Variants in CCAR1 observed in about 807,000 individuals in gnomAD.
CCAR1 encodes the protein cell division cycle and apoptosis regulator protein 1.
In CCAR1, 78 loss-of-function variants were observed where a neutral mutation model predicts 163.8. The ratio of observed to expected loss-of-function variants is 0.48; its 90% CI spans 0.40 to 0.57. CCAR1 has a LOEUF of 0.57. Among genes scored for constraint, CCAR1 ranks in the 20% least tolerant of loss-of-function variants. The pLI is 0.00. For missense variants in CCAR1, 1,019 were observed against 1,365.2 expected (o/e 0.75, Z 4.00); for synonymous variants, 443 against 460.7 (o/e 0.96, Z 0.49).
Position 68,740,651 on chromosome 10 carries a change from T to A in CCAR1, c.314T>A (p.Leu105His). 1 of 1,610,758 alleles carries A rather than the reference T, an allele frequency of 6.2e-7. No individual in the cohort carries two copies. Among genetic ancestry groups the A allele is most frequent in the Non-Finnish European group, 8.5e-7 (1 of 1,178,294 alleles). ...QQQLQQPQQT[L>H]LTQPAVALPT... ...CAGTTACAGCAACCCCAGCAAACCCTCTTAACACAGGTTAGTTGGTATTAC... is the reference window on the plus strand; with the variant it reads ...CAGTTACAGCAACCCCAGCAAACCCACTTAACACAGGTTAGTTGGTATTAC... Residue 105 changes from leucine to histidine, a missense_variant, in exon 5 of 25, where the codon CTC becomes CAC. By Grantham distance (99) the Leu-to-His change is moderately conservative (BLOSUM62 -3). This residue lies in a region of CCAR1 where 644 missense variants were observed against 904.4 expected (regional missense o/e 0.71). Coordinates refer to ENST00000265872, the MANE Select transcript of CCAR1 (RefSeq NM_018237.4).
chr10:68,755,241 C>A, intron 12 of CCAR1, 129 bp from the exon 13 acceptor site: 1 of 860,188 alleles, frequency 1.2e-6, no homozygotes, highest in Non-Finnish European at 2.0e-6. Flanking sequence ...CTGAACTCTT[C>A]CTTGACTGAC....
At chr10:68,731,591 G>GTTTTTTTTTTTTTTTT (rs67032408) in intron 2 of CCAR1, among the ~76,000 whole-genome samples, 1 of 75,624 alleles carries the variant, frequency 1.3e-5, no homozygotes. Flanking sequence ...TCTTGTTTCT[G>GTTTTTTTTTTTTTTTT]TTTTTTTTTT....
chr10:68,786,572 A>G lies in CCAR1; in HGVS notation c.2760A>G (p.Thr920=), dbSNP rs757241939. 5 of 1,587,040 alleles carry G rather than the reference A, an allele frequency of 3.2e-6. No homozygotes were observed. The African/African-American group carries it at 6.8e-5, about 22-fold the overall frequency. Residue 920 remains threonine, a synonymous_variant, in exon 21 of 25, where the codon ACA becomes ACG. Coordinates refer to ENST00000265872, the MANE Select transcript of CCAR1 (RefSeq NM_018237.4). The part of the protein sequence containing the change: ...DKEKEKTQMI[T]INRDLLMAFV... ...AAAAAGAAAAGACTCAAATGATCAC[A>G]ATTAACAGAGATCTGTTAATGGCTT...
At chr10:68,723,777 G>A (rs1349371959) in intron 2 of CCAR1, among the ~76,000 whole-genome samples, 1 of 151,296 alleles carries the variant, frequency 6.6e-6, no homozygotes, top group Non-Finnish European at 1.5e-5. Flanking sequence ...GAACCCAGGA[G>A]GTGAAGCTTG....
intron 5 of CCAR1, 63 bp downstream of exon 5, chr10:68,740,724 A>C (rs946114179): frequency 6.3e-6 from 8 of 1,278,292 alleles, no homozygotes; most frequent in Non-Finnish European, 8.9e-6. Flanking sequence ...AAGCTTTATT[A>C]GTATTCTACT....
At chr10:68,731,591 G>GTTTTTT (rs67032408) in intron 2 of CCAR1, among the ~76,000 whole-genome samples, 84 of 75,616 alleles carry the variant, frequency 1.1e-3, no homozygotes, top group Non-Finnish European at 1.3e-3. Flanking sequence ...TCTTGTTTCT[G>GTTTTTT]TTTTTTTTTT....
intron 21 of CCAR1, 144 bp from the exon 22 acceptor site, chr10:68,787,783 C>T (rs888458684): frequency 1.4e-5 from 9 of 660,726 alleles, no homozygotes; most frequent in East Asian, 6.2e-5. Flanking sequence ...TGTAGTGAGT[C>T]GAGATCACAC....
intron 23 of CCAR1, among the ~76,000 whole-genome samples, chr10:68,788,908 G>A (rs79188821): frequency 0.02 from 3,063 of 151,186 alleles, 110 homozygotes; most frequent in African/African-American, 0.07. Context: ...ATCATCTTCT[G>A]GTTCCACTTT....
Position 68,724,952 on chromosome 10 carries a change from A to G in CCAR1, c.73+2375A>G, listed in dbSNP as rs573323731. 2.7e-4 allele frequency among the ~76,000 whole-genome samples: 41 copies of G among 152,262 alleles called. No individual in the cohort carries two copies. The South Asian group carries it at 7.9e-3, about 29-fold the overall frequency. ...TTGGGAGTTCAAGACCAGCCTGACA[A>G]ACATGGAGAAACCCCGTCTCTACTA... On this transcript the variant is annotated intron_variant, in intron 2 of 24. Coordinates refer to ENST00000265872, the MANE Select transcript of CCAR1 (RefSeq NM_018237.4).
rs951929265 is a variant in CCAR1 at position 68,792,017 on chromosome 10, C to T, written c.*751C>T. The T allele has an allele frequency of 4.4e-4, 67 of 151,522 alleles. No homozygotes were observed. The highest frequency in any genetic ancestry group is 4.3e-3 in the Admixed American group (65 of 15,154). The allele number at this position is 151,522 out of a possible 1,614,324, so 9.4% of individuals were successfully genotyped here. The stretch of plus-strand genomic sequence containing the variant: ...ACCCAGGAGGCGGAGGTTGCAGTCA[C>T]TCAGGATCATGCAGCTACACTCCAG... On this transcript the variant is annotated 3_prime_UTR_variant, in exon 25 of 25. Transcript: ENST00000265872.
intron 19 of CCAR1, among the ~76,000 whole-genome samples, chr10:68,777,352 C>A (rs753863441): frequency 1.2e-4 from 19 of 152,076 alleles, no homozygotes; most frequent in Non-Finnish European, 2.2e-4. Flanking sequence ...TCAAATTCTT[C>A]CAGTGTATCC....
chr10:68,783,221 G>C (rs1222115884), intron 19 of CCAR1, among the ~76,000 whole-genome samples: 1 of 151,288 alleles, frequency 6.6e-6, no homozygotes, highest in East Asian at 1.9e-4. Context: ...ACGGAGTCTT[G>C]CTCTGTTGCC....
At chr10:68,723,853 G>GA (rs56293518) in intron 2 of CCAR1, among the ~76,000 whole-genome samples, 2 of 143,192 alleles carry the variant, frequency 1.4e-5, no homozygotes, top group South Asian at 2.3e-4. Context: ...ATCTCAAAAA[G>GA]AAAAAAAAAA....
chr10:68,788,634 G>A (rs747775500), intron 23 of CCAR1, among the ~76,000 whole-genome samples: 2 of 152,152 alleles, frequency 1.3e-5, no homozygotes, highest in East Asian at 1.9e-4. Context: ...ACAGGCATGC[G>A]CCACCATGCC....
chr10:68,747,090 A>C, intron 6 of CCAR1, 71 bp from the exon 7 acceptor site: 1 of 772,354 alleles, frequency 1.3e-6, no homozygotes, highest in Non-Finnish European at 2.1e-6. Context: ...CTAACTATGT[A>C]AATCATTTTG....
intron 19 of CCAR1, chr10:68,775,036 A>G (rs567755933): frequency 3.0e-6 from 1 of 329,468 alleles, no homozygotes; most frequent in Admixed American, 4.7e-5. Context: ...AGTTTTTAAT[A>G]TTGTTTAATG....
At chr10:68,736,760 T>C (rs1363506333) in intron 2 of CCAR1, 116 bp from the exon 3 acceptor site, 2 of 773,106 alleles carry the variant, frequency 2.6e-6, no homozygotes, top group Non-Finnish European at 4.1e-6. Flanking sequence ...TTGACTATTG[T>C]GAATAGTGCT....
intron 2 of CCAR1, among the ~76,000 whole-genome samples, chr10:68,728,165 CT>C (rs1410400841): frequency 6.6e-5 from 10 of 151,980 alleles, no homozygotes; most frequent in African/African-American, 9.7e-5. Context: ...ATAGAGGTAC[CT>C]TCAGTATATT....
chr10:68,786,433 G>A, intron 20 of CCAR1, 113 bp from the exon 21 acceptor site: 1 of 786,524 alleles, frequency 1.3e-6, no homozygotes, highest in Non-Finnish European at 2.0e-6. Flanking sequence ...CTAGGATGAG[G>A]CAAATATCTT....
Sources: allele counts gnomAD v4.1 joint callset (sites outside exome capture counted in the v4.1 genomes callset), GRCh38; gene constraint gnomAD v4.1.1; regional missense constraint gnomAD v4.1.1; transcripts MANE v1.5; gene names NCBI Gene and HGNC (gene_info 2026-07-23, HGNC 2026-07-21).